NF1: variants seen among roughly 807,000 people sequenced by gnomAD.
NF1 encodes the protein neurofibromin 1.
In NF1, 122 loss-of-function variants were observed where a neutral mutation model predicts 325.7. The ratio of observed to expected loss-of-function variants is 0.37; its 90% CI spans 0.32 to 0.44. The LOEUF is 0.44. NF1 is among the 20% of genes least tolerant of loss of function. The pLI is 1.00. For missense variants in NF1, 2,140 were observed against 3,415.4 expected (o/e 0.63, Z 9.31); for synonymous variants, 1,091 against 1,186.0 (o/e 0.92, Z 1.65).
chr17:31,132,706 G>A (rs777695401), intron 1 of NF1, among the ~76,000 whole-genome samples: 6 of 151,904 alleles, frequency 3.9e-5, no homozygotes, highest in Non-Finnish European at 7.4e-5. Context: ...CACTGTTGTT[G>A]CCCAGGCTGG....
In NF1 at chr17:31,200,562, C is replaced by T. The variant is rs745914493; in HGVS notation, c.1029C>T (p.Phe343=). 3.1e-6 allele frequency: 5 copies of T among 1,614,118 alleles called. No individual in the cohort carries two copies. In the South Asian group the frequency reaches 5.5e-5, roughly 18 times the overall value. Residue 343 remains phenylalanine, a synonymous_variant, in exon 9 of 58, where the codon TTC becomes TTT. Coordinates refer to ENST00000358273, the MANE Select transcript of NF1 (RefSeq NM_001042492.3). ...YINWEDNSVI[F]LLVQSMVVDL... is the part of the protein sequence containing the mutation. ...ATTGGGAAGATAACTCTGTCATTTT[C>T]CTACTTGTTCAGTCCATGGTGGTTG... is the stretch of plus-strand genomic sequence containing the variant.
At chr17:31,263,765 CT>C (rs200825400) in intron 35 of NF1, among the ~76,000 whole-genome samples, 1 of 151,118 alleles carries the variant, frequency 6.6e-6, no homozygotes, top group Non-Finnish European at 1.5e-5. Context: ...GACCCATTTT[CT>C]TTTTTTTAAA....
intron 4 of NF1, among the ~76,000 whole-genome samples, chr17:31,164,516 C>CT (rs1290461653): frequency 2.0e-5 from 3 of 152,194 alleles, no homozygotes; most frequent in African/African-American, 4.8e-5. Flanking sequence ...GAATCGAAGA[C>CT]TAATACCGAA....
At chr17:31,289,598 T>G (rs976452524) in intron 36 of NF1, among the ~76,000 whole-genome samples, 2 of 152,174 alleles carry the variant, frequency 1.3e-5, no homozygotes, top group African/African-American at 4.8e-5. Flanking sequence ...TTTTTTCTTA[T>G]TTTTCTAATA....
intron 2 of NF1, among the ~76,000 whole-genome samples, chr17:31,157,981 C>T (rs1368034060): frequency 6.6e-6 from 1 of 151,800 alleles, no homozygotes; most frequent in African/African-American, 2.4e-5. Flanking sequence ...AAAAAGTTAA[C>T]TATATAATGT....
chr17:31,254,600 C>T (rs1424078562), intron 31 of NF1, among the ~76,000 whole-genome samples: 2 of 152,104 alleles, frequency 1.3e-5, no homozygotes, highest in Non-Finnish European at 2.9e-5. Flanking sequence ...CAGTGTTATA[C>T]TAATGCCATT....
intron 14 of NF1, among the ~76,000 whole-genome samples, chr17:31,220,998 T>C (rs1174905799): frequency 6.6e-6 from 1 of 152,080 alleles, no homozygotes; most frequent in Non-Finnish European, 1.5e-5. Context: ...ATAAAAATGT[T>C]TGAAATAAGA....
chr17:31,200,351 T>A, intron 8 of NF1, 71 bp from the exon 9 acceptor site: 1 of 1,442,112 alleles, frequency 6.9e-7, no homozygotes, highest in Non-Finnish European at 9.7e-7. Flanking sequence ...GTTAATTTGC[T>A]ATAATATTAG....
intron 1 of NF1, among the ~76,000 whole-genome samples, chr17:31,123,787 A>G (rs1327895275): frequency 6.6e-6 from 1 of 152,206 alleles, no homozygotes; most frequent in Non-Finnish European, 1.5e-5. Flanking sequence ...AGTCTGGGAA[A>G]TCCAAGAATA....
At chr17:31,363,445 T>C (rs2151591010) in intron 57 of NF1, among the ~76,000 whole-genome samples, 1 of 149,296 alleles carries the variant, frequency 6.7e-6, no homozygotes, top group Non-Finnish European at 1.5e-5. Context: ...TCTTTTTTTT[T>C]TTTTTTTTTT....
At chr17:31,307,513 A>G (rs2068756165) in intron 36 of NF1, among the ~76,000 whole-genome samples, 1 of 152,226 alleles carries the variant, frequency 6.6e-6, no homozygotes, top group African/African-American at 2.4e-5. Context: ...AAAGTTTGGC[A>G]GATAGGGCTT....
At chr17:31,154,789 GAGTGC>G (rs1167557754) in intron 1 of NF1, among the ~76,000 whole-genome samples, 1 of 147,402 alleles carries the variant, frequency 6.8e-6, no homozygotes, top group Non-Finnish European at 1.5e-5. Flanking sequence ...CGCCAGGCTG[GAGTGC>G]AGTGGCGTAA....
rs1597843627 is a variant in NF1, at chr17:31,337,363, T to C, written c.6428-5T>C. 6.2e-7 allele frequency: 1 copy of C among 1,608,138 alleles called. No individual in the cohort carries two copies. Among genetic ancestry groups the C allele is most frequent in the Non-Finnish European group, 8.5e-7 (1 of 1,174,700 alleles). On this transcript the variant is annotated splice_polypyrimidine_tract_variant and splice_region_variant and intron_variant, in intron 42 of 57. Transcript: ENST00000358273. Reference sequence around the variant, plus strand: ...GTCTTTACTTGTTCCTTTATTCTCTTACAGAAGAGACCAAGCAAGTTTTGA... The same window carrying C: ...GTCTTTACTTGTTCCTTTATTCTCTCACAGAAGAGACCAAGCAAGTTTTGA...
At chr17:31,181,680 C>G (rs764370458) in intron 6 of NF1, 30 bp from the exon 7 acceptor site, 1 of 1,514,712 alleles carries the variant, frequency 6.6e-7, no homozygotes, top group Non-Finnish European at 9.2e-7. Context: ...CAAAAAATCA[C>G]TGTAAAGACA....
intron 1 of NF1, among the ~76,000 whole-genome samples, chr17:31,123,500 A>G (rs1819184808): frequency 6.6e-6 from 1 of 152,168 alleles, no homozygotes; most frequent in African/African-American, 2.4e-5. Context: ...TACCCAGCCT[A>G]GTCTCTAACT....
At chr17:31,263,074 G>GGT (rs1567864084) in intron 35 of NF1, among the ~76,000 whole-genome samples, 11 of 138,370 alleles carry the variant, frequency 7.9e-5, no homozygotes, top group South Asian at 6.8e-4. Context: ...TAGGTAGATA[G>GGT]ATAGGTAGGT....
chr17:31,305,389 G>A, intron 36 of NF1: 1 of 1,614,172 alleles, frequency 6.2e-7, no homozygotes, highest in Non-Finnish European at 8.5e-7. Flanking sequence ...AGTGACTTTG[G>A]CAGGTGATAT....
chr17:31,286,663 G>A (rs1450188146), intron 36 of NF1, among the ~76,000 whole-genome samples: 1 of 152,174 alleles, frequency 6.6e-6, no homozygotes, highest in Non-Finnish European at 1.5e-5. Flanking sequence ...GAATACAGAT[G>A]AGTATTTAAT....
At chr17:31,334,776 T>C (rs1597839804) in intron 39 of NF1, 62 bp from the exon 40 acceptor site, 1 of 1,333,152 alleles carries the variant, frequency 7.5e-7, no homozygotes, top group African/African-American at 1.4e-5. Context: ...ATTCTTTATG[T>C]TAAATAATTG....
Sources: gnomAD v4.1 joint callset for allele counts (sites outside exome capture counted in the v4.1 genomes callset) on GRCh38, gnomAD v4.1.1 for gene constraint, MANE v1.5 for transcripts, NCBI Gene and HGNC (gene_info 2026-07-23, HGNC 2026-07-21) for gene names.